Variants in PCDHGB4 observed in about 807,000 individuals in gnomAD.
PCDHGB4 encodes the protein protocadherin gamma subfamily B, 4.
Under a neutral mutation model 60.5 loss-of-function variants are expected in PCDHGB4, and 38 were observed. The ratio of observed to expected loss-of-function variants is 0.63; its 90% CI spans 0.48 to 0.82. The LOEUF is 0.82. Ranked by LOEUF, PCDHGB4 falls within the 40% of genes least tolerant of loss-of-function variation. The probability of loss-of-function intolerance (pLI) is 0.00; values close to 1 mark genes in which losing one functional copy is unlikely to be tolerated. For missense variants in PCDHGB4, 1,109 were observed against 1,209.6 expected (o/e 0.92, Z 1.23); for synonymous variants, 456 against 509.7 (o/e 0.89, Z 1.42).
chr5:141,432,069 A>T lies in PCDHGB4; in HGVS notation c.2397+41788A>T. ...ACCCCGCCCCTATCCACGGAAACTC[A>T]TATCTCGCTGAACGTGGCAGACACC... is the stretch of plus-strand genomic sequence containing the variant. On this transcript the variant is annotated intron_variant, in intron 1 of 3. Coordinates refer to ENST00000519479, the MANE Select transcript of PCDHGB4 (RefSeq NM_003736.4). This position sits in a 1 kb window ranked among gnomAD's most constrained non-coding sequence, Gnocchi z 6.0. The T allele has an allele frequency of 6.2e-7, 1 of 1,614,168 alleles. No homozygotes were observed. The highest frequency in any genetic ancestry group is 8.5e-7 in the Non-Finnish European group (1 of 1,180,038).
chr5:141,449,645 A>G (rs1331667429), intron 1 of PCDHGB4, among the ~76,000 whole-genome samples: 1 of 151,128 alleles, frequency 6.6e-6, no homozygotes, highest in African/African-American at 2.4e-5. Context: ...CTATATATAC[A>G]TATTTACATA....
At chr5:141,400,262 G>T (rs1485452553) in intron 1 of PCDHGB4, 1 of 1,613,914 alleles carries the variant, frequency 6.2e-7, no homozygotes, top group African/African-American at 1.3e-5. Flanking sequence ...TTGCGCCTGC[G>T]ACGCTCCTCC....
In PCDHGB4 at chr5:141,389,714, C is replaced by A; in HGVS notation, c.1830C>A (p.Ser610Arg). The A allele has an allele frequency of 6.2e-7, 1 of 1,612,536 alleles. No homozygotes were observed. The highest frequency in any genetic ancestry group is 1.1e-5 in the South Asian group (1 of 91,054). The part of the protein sequence containing the change: ...AWLSYHVLQA[S>R]EPGLFSLGLR... The stretch of plus-strand genomic sequence containing the variant: ...TGTCCTACCACGTGCTGCAGGCTAG[C>A]GAGCCCGGGCTCTTCAGCCTGGGGC... The change falls in exon 1 of 4, where the codon AGC becomes AGA. Residue 610 changes from serine to arginine, a missense_variant. Transcript: ENST00000519479.
intron 1 of PCDHGB4, chr5:141,417,924 T>C (rs1197566429): frequency 1.9e-6 from 3 of 1,609,340 alleles, no homozygotes; most frequent in Admixed American, 1.7e-5. Flanking sequence ...CCTTTGCTGC[T>C]GCCTTTGTTC....
intron 1 of PCDHGB4, among the ~76,000 whole-genome samples, chr5:141,456,917 C>G (rs1005360691): frequency 2.6e-5 from 4 of 152,032 alleles, no homozygotes; most frequent in Non-Finnish European, 5.9e-5. Context: ...GAGCCGAGAT[C>G]GCACCACTGC....
At chr5:141,395,264 A>G in intron 1 of PCDHGB4, 1 of 1,549,832 alleles carries the variant, frequency 6.5e-7, no homozygotes, top group Non-Finnish European at 8.7e-7. Flanking sequence ...GCTTGCTTTT[A>G]ATTTCCAGAT....
In PCDHGB4 at chr5:141,490,267, G is replaced by A. The variant is rs765238578; in HGVS notation, c.2398-4540G>A. ...TGTGATTCAAGTGGATGTGGGGGAT[G>A]TCAATGACAATGCCCCAGAGGTGCT... On this transcript the variant is annotated intron_variant, in intron 1 of 3. Transcript: ENST00000519479. The surrounding 1 kb of genome is among the most constrained non-coding windows in gnomAD (Gnocchi z 5.4). The A allele has an allele frequency of 6.2e-7, 1 of 1,614,242 alleles. No homozygotes were observed. The highest frequency in any genetic ancestry group is 1.1e-5 in the South Asian group (1 of 91,084).
intron 1 of PCDHGB4, among the ~76,000 whole-genome samples, chr5:141,484,288 C>T (rs1300726429): frequency 6.6e-6 from 1 of 152,176 alleles, no homozygotes; most frequent in African/African-American, 2.4e-5. Context: ...AAACATCTCC[C>T]TCTCCTGGCT....
chr5:141,510,833 C>G, intron 3 of PCDHGB4, 114 bp from the exon 4 acceptor site: 2 of 1,577,796 alleles, frequency 1.3e-6, no homozygotes, highest in Admixed American at 1.7e-5. Context: ...CAGTGCTCAG[C>G]GTGGTCAAGG....
chr5:141,408,922 G>C, intron 1 of PCDHGB4: 1 of 1,613,222 alleles, frequency 6.2e-7, no homozygotes. Context: ...ATAACCCCCC[G>C]GTTTTCAGCA....
At chr5:141,408,478 T>C (rs1433834175) in intron 1 of PCDHGB4, 1 of 1,614,056 alleles carries the variant, frequency 6.2e-7, no homozygotes, top group Non-Finnish European at 8.5e-7. Context: ...GAATAGACCG[T>C]GAGCAAATAT....
At position 141,476,140 on chromosome 5, in the gene PCDHGB4, C is replaced by A. The variant is rs1410430310; in HGVS notation, c.2398-18667C>A. On this transcript the variant is annotated intron_variant, in intron 1 of 3. Coordinates refer to ENST00000519479, the MANE Select transcript of PCDHGB4 (RefSeq NM_003736.4). The surrounding 1 kb of genome is among the most constrained non-coding windows in gnomAD (Gnocchi z 7.6). ...AGATGGTCCCAGAGGCCTGGAGGAG[C>A]GGACTGGTAAGCACCGGGAGGGTAG... 6 of 1,609,222 alleles carry A rather than the reference C, an allele frequency of 3.7e-6. No homozygotes were observed. The highest frequency in any genetic ancestry group is 5.1e-6 in the Non-Finnish European group (6 of 1,178,484).
intron 1 of PCDHGB4, chr5:141,440,761 C>T (rs2098198732): frequency 6.6e-6 from 1 of 152,172 alleles, no homozygotes; most frequent in African/African-American, 2.4e-5. Context: ...GCAGAGCTCC[C>T]ATCCCTTAGT....
chr5:141,391,196 T>C (rs887079701), intron 1 of PCDHGB4: 1 of 152,158 alleles, frequency 6.6e-6, no homozygotes, highest in Non-Finnish European at 1.5e-5. Flanking sequence ...ACAAAATATA[T>C]ACAAAATACC....
intron 1 of PCDHGB4, chr5:141,420,545 A>G: frequency 3.5e-6 from 1 of 289,066 alleles, no homozygotes; most frequent in Non-Finnish European, 6.2e-6. Flanking sequence ...TATAAAATAC[A>G]GGTATATTTT....
chr5:141,425,869 C>G (rs1376765137), intron 1 of PCDHGB4, among the ~76,000 whole-genome samples: 1 of 152,198 alleles, frequency 6.6e-6, no homozygotes, highest in Non-Finnish European at 1.5e-5. Flanking sequence ...TATAGATTCC[C>G]ATCTCTAAGG....
intron 2 of PCDHGB4, among the ~76,000 whole-genome samples, chr5:141,498,971 G>GGGAAGGAAGGAAGGAAGGAAGGAAGGAA (rs201769957): frequency 9.0e-6 from 1 of 110,972 alleles, no homozygotes; most frequent in Non-Finnish European, 1.8e-5. Flanking sequence ...GAGGGAGGGA[G>GGGAAGGAAGGAAGGAAGGAAGGAAGGAA]GGAAGGAAGG....
rs746539261 is a variant in PCDHGB4, at chr5:141,415,336, C to A, written c.2397+25055C>A. On this transcript the variant is annotated intron_variant, in intron 1 of 3. Transcript: ENST00000519479. ...CATCGTGCTGCTGGCGCACAGGCTG[C>A]GGCGCTGGCACAAGTCACGCCTGCT... 7 of 1,614,200 alleles carry A rather than the reference C, an allele frequency of 4.3e-6. 1 individual carries two copies. The South Asian group carries it at 7.7e-5, about 18-fold the overall frequency.
At chr5:141,508,756 C>A (rs890362975) in intron 3 of PCDHGB4, among the ~76,000 whole-genome samples, 2 of 151,904 alleles carry the variant, frequency 1.3e-5, no homozygotes, top group African/African-American at 4.8e-5. Flanking sequence ...CTTTCTCTGG[C>A]GCCTCTGAGG....
Sources: allele counts gnomAD v4.1 joint callset (sites outside exome capture counted in the v4.1 genomes callset), GRCh38; gene constraint gnomAD v4.1.1; non-coding constraint Gnocchi (gnomAD v3.1); transcripts MANE v1.5; gene names NCBI Gene and HGNC (gene_info 2026-07-23, HGNC 2026-07-21).